NAV3: variants seen among roughly 807,000 people sequenced by gnomAD.
NAV3 encodes pore membrane and/or filament interacting like protein 1.
In NAV3, 87 loss-of-function variants were observed where a neutral mutation model predicts 244.7. The observed-to-expected ratio is 0.36, with a 90% CI of 0.30 to 0.42. The LOEUF is 0.42. Ranked by LOEUF, NAV3 falls within the 20% of genes least tolerant of loss-of-function variation. The pLI is 1.00. For synonymous variants in NAV3, 1,126 were observed against 1,042.2 expected (o/e 1.08, Z -1.55); for missense variants, 2,663 against 2,893.3 (o/e 0.92, Z 1.83).
chr12:77,723,723 G>C (rs1361025566), intron 2 of NAV3, among the ~76,000 whole-genome samples: 1 of 120,150 alleles, frequency 8.3e-6, no homozygotes, highest in Non-Finnish European at 1.7e-5. Context: ...TCTCCACACA[G>C]ATTTCGAGGA....
At chr12:77,684,496 A>AT (rs1229943914) in intron 2 of NAV3, among the ~76,000 whole-genome samples, 2 of 151,172 alleles carry the variant, frequency 1.3e-5, no homozygotes, top group African/African-American at 4.9e-5. Flanking sequence ...TATCTTTTTT[A>AT]TTTTTTTATA....
chr12:77,758,054 C>T (rs188288553), intron 2 of NAV3, among the ~76,000 whole-genome samples: 1 of 152,166 alleles, frequency 6.6e-6, no homozygotes, highest in Non-Finnish European at 1.5e-5. Flanking sequence ...AAAGCACACT[C>T]CAGGCTTGGT....
intron 2 of NAV3, among the ~76,000 whole-genome samples, chr12:77,690,486 G>A (rs1392356941): frequency 2.6e-5 from 4 of 151,720 alleles, no homozygotes; most frequent in Middle Eastern, 3.4e-3. Flanking sequence ...ATTAAAATAT[G>A]TTTTAAATTT....
intron 2 of NAV3, among the ~76,000 whole-genome samples, chr12:77,773,069 A>C (rs1286762891): frequency 6.6e-6 from 1 of 152,204 alleles, no homozygotes; most frequent in African/African-American, 2.4e-5. Context: ...GGGTGCTCTC[A>C]TTGACTACAA....
chr12:77,975,551 A>G (rs529673699), intron 5 of NAV3, among the ~76,000 whole-genome samples: 49 of 152,340 alleles, frequency 3.2e-4, no homozygotes, highest in African/African-American at 1.1e-3. Context: ...ATGAGACTAA[A>G]CAAAGAAAAT....
chr12:77,916,445 T>A (rs1266458114), intron 1 of NAV3, among the ~76,000 whole-genome samples: 2 of 151,896 alleles, frequency 1.3e-5, no homozygotes, highest in African/African-American at 4.8e-5. Flanking sequence ...ATTAATCCTA[T>A]CAAGAGAAGA....
intron 12 of NAV3, among the ~76,000 whole-genome samples, chr12:78,076,229 G>A (rs972525983): frequency 2.0e-5 from 3 of 152,132 alleles, no homozygotes; most frequent in Admixed American, 6.6e-5. Context: ...CGTTGCTTAT[G>A]CCTGAAATCC....
intron 2 of NAV3, among the ~76,000 whole-genome samples, chr12:77,753,724 T>C (rs1868981398): frequency 6.6e-6 from 1 of 152,180 alleles, no homozygotes; most frequent in Non-Finnish European, 1.5e-5. Flanking sequence ...TTTTAAGAAA[T>C]GGCACACAAG....
intron 1 of NAV3, among the ~76,000 whole-genome samples, chr12:77,883,746 T>TTGAAGATGG (rs1277586990): frequency 6.6e-6 from 1 of 152,160 alleles, no homozygotes. Context: ...CTCTTTTATC[T>TTGAAGATGG]TGAAGATGGT....
In NAV3 at chr12:78,200,465, C is replaced by A. The variant is rs1959532508; in HGVS notation, c.6716-8C>A. ...TCTTAAAATATTTTGTTATTTATTT[C>A]TTATCAGGTCCCCGACTATTCCTTC... On this transcript the variant is annotated splice_region_variant and splice_polypyrimidine_tract_variant and intron_variant, in intron 37 of 39. Transcript: ENST00000397909. 1 of 1,491,688 alleles carries A rather than the reference C, an allele frequency of 6.7e-7. No individual in the cohort carries two copies. Among genetic ancestry groups the A allele is most frequent in the Non-Finnish European group, 9.1e-7 (1 of 1,097,268 alleles). 92.4% of individuals were successfully genotyped at this position (1,491,688 alleles called of 1,614,324 possible).
intron 1 of NAV3, among the ~76,000 whole-genome samples, chr12:77,835,558 G>A (rs1383089503): frequency 2.0e-5 from 3 of 152,134 alleles, no homozygotes; most frequent in Middle Eastern, 3.2e-3. Context: ...ACTAATATCT[G>A]GTAAAGTACA....
Position 77,903,678 on chromosome 12 carries a change from A to C in NAV3, c.244-36641A>C, listed in dbSNP as rs534060466. Among the ~76,000 whole-genome samples, 213 of 152,344 alleles carry C rather than the reference A, an allele frequency of 1.4e-3. 2 individuals are homozygous for C. Among genetic ancestry groups the C allele is most frequent in the African/African-American group, 4.9e-3 (204 of 41,576 alleles). On this transcript the variant is annotated intron_variant, in intron 1 of 39. Transcript: ENST00000397909. ...TTAAACTAAAGAGCTTCTGCACAGC[A>C]AAAGAAACTACCATCAGAGTGAAAA...
At chr12:77,883,516 C>T (rs936945417) in intron 1 of NAV3, among the ~76,000 whole-genome samples, 1 of 151,910 alleles carries the variant, frequency 6.6e-6, no homozygotes, top group East Asian at 1.9e-4. Context: ...AGTGATGGGT[C>T]CATACACAAA....
intron 2 of NAV3, among the ~76,000 whole-genome samples, chr12:77,809,724 A>T (rs772545404): frequency 6.6e-6 from 1 of 152,170 alleles, no homozygotes; most frequent in Non-Finnish European, 1.5e-5. Context: ...TCAAAATAAA[A>T]CATACGTCAT....
At position 78,210,683 on chromosome 12, in the gene NAV3, C is replaced by G. The variant is rs1275297375; in HGVS notation, c.*166C>G. ...GAACTAAGTCTGAACCGCCAAGATG[C>G]TAAATTGCAATGGAAGCTTAACTTT... On this transcript the variant is annotated 3_prime_UTR_variant, in exon 40 of 40. Transcript: ENST00000397909. The G allele has an allele frequency of 1.4e-6, 1 of 713,066 alleles. No homozygotes were observed. Among genetic ancestry groups the G allele is most frequent in the African/African-American group, 1.8e-5 (1 of 55,288 alleles). 44.2% of individuals were successfully genotyped at this position (713,066 alleles called of 1,614,324 possible). A position where few individuals can be genotyped will look rare whatever the true frequency, so the allele number is the denominator to read the frequency against.
At chr12:78,149,225 C>T (rs1415141098) in intron 22 of NAV3, among the ~76,000 whole-genome samples, 9 of 152,080 alleles carry the variant, frequency 5.9e-5, no homozygotes, top group Non-Finnish European at 1.2e-4. Flanking sequence ...ATAAGATTCT[C>T]TGACAATGTA....
chr12:77,753,846 T>C (rs1042199354), intron 2 of NAV3, among the ~76,000 whole-genome samples: 2 of 152,156 alleles, frequency 1.3e-5, no homozygotes, highest in Non-Finnish European at 2.9e-5. Flanking sequence ...AAAGGATAAG[T>C]TGAAATACGT....
chr12:77,994,986 C>A, intron 6 of NAV3, 115 bp downstream of exon 6: 1 of 668,302 alleles, frequency 1.5e-6, no homozygotes, highest in Non-Finnish European at 2.4e-6. Flanking sequence ...AAGTTTAGAG[C>A]ACTAAATTTT....
chr12:77,664,212 A>C (rs974071352), intron 2 of NAV3, among the ~76,000 whole-genome samples: 1 of 152,212 alleles, frequency 6.6e-6, no homozygotes, highest in Non-Finnish European at 1.5e-5. Context: ...TTTGGATCTA[A>C]ATTATTTTAG....
Sources: gnomAD v4.1 joint callset for allele counts (sites outside exome capture counted in the v4.1 genomes callset) on GRCh38, gnomAD v4.1.1 for gene constraint, MANE v1.5 for transcripts, NCBI Gene and HGNC (gene_info 2026-07-23, HGNC 2026-07-21) for gene names.